DNAAF2: variants seen among roughly 807,000 people sequenced by gnomAD.
DNAAF2 encodes the protein protein kintoun.
A neutral mutation model predicts 48.8 loss-of-function variants in DNAAF2; 58 were observed. The observed-to-expected ratio is 1.19, with a 90% CI of 0.96 to 1.48. The LOEUF (loss-of-function observed/expected upper bound fraction) is 1.48. Ranked by LOEUF, DNAAF2 falls within the 40% of genes most tolerant of loss-of-function variation. The pLI, the probability that DNAAF2 is intolerant of heterozygous loss-of-function variation, is 0.00. For synonymous variants in DNAAF2, 567 were observed against 481.2 expected (o/e 1.18, Z -2.33); for missense variants, 1,241 against 1,116.1 (o/e 1.11, Z -1.59).
Position 49,634,159 on chromosome 14 carries a change from C to T in DNAAF2, c.991G>A (p.Gly331Ser). The stretch of plus-strand genomic sequence containing the variant: ...CGGGCCTTGTTGAATTGTGCCTTGC[C>T]GCGGCCATCGTCCACTGGGTACGGG... ...SLPYPVDDGR[G>S]KAQFNKARRQ... The change falls in exon 1 of 3, where the codon GGC becomes AGC. Residue 331 changes from glycine (G) to serine (S), a missense_variant. Physicochemically the swap from Gly to Ser is moderately conservative, Grantham distance 56. Transcript: ENST00000298292. 1 of 1,597,870 alleles carries T rather than the reference C, an allele frequency of 6.3e-7. No homozygotes were observed. Among genetic ancestry groups the T allele is most frequent in the Non-Finnish European group, 8.5e-7 (1 of 1,173,424 alleles).
Position 49,634,428 on chromosome 14 carries a change from G to C in DNAAF2, c.722C>G (p.Pro241Arg), listed in dbSNP as rs1409403452. The change falls in exon 1 of 3, where the codon CCT becomes CGT. Residue 241 changes from proline (P) to arginine (R), a missense_variant. By Grantham distance (103) the Pro-to-Arg change is moderately radical. Coordinates refer to ENST00000298292, the MANE Select transcript of DNAAF2 (RefSeq NM_018139.3). Reference sequence around the variant, plus strand: ...GGCGGGCTGCAAGGCCGCTTCCGGAGGGGAGGGCGCCCGGGGCCCGGGGGC... The same window carrying C: ...GGCGGGCTGCAAGGCCGCTTCCGGACGGGAGGGCGCCCGGGGCCCGGGGGC... The part of the protein sequence containing the change: ...PAAPGPRAPS[P>R]PEAALQPAPT... 2.6e-6 allele frequency: 4 copies of C among 1,566,230 alleles called. No individual in the cohort carries two copies. Among genetic ancestry groups the C allele is most frequent in the Non-Finnish European group, 3.5e-6 (4 of 1,158,032 alleles).
In DNAAF2 at chr14:49,625,311, C is replaced by T. The variant is rs925268737; in HGVS notation, c.*231G>A. ...AAATAGAAAACATACACATCTATTA[C>T]AGGAATCACAAAACTTATCTCCATA... On this transcript the variant is annotated 3_prime_UTR_variant, in exon 3 of 3. Transcript: ENST00000298292. The T allele has an allele frequency of 5.1e-5, 15 of 293,042 alleles. 1 individual carries two copies. In the South Asian group the frequency reaches 1.5e-3, roughly 29 times the overall value. 18.2% of individuals were successfully genotyped at this position (293,042 alleles called of 1,614,324 possible).
At chr14:49,628,328 A>G (rs1044683076) in intron 1 of DNAAF2, among the ~76,000 whole-genome samples, 173 bp from the exon 2 acceptor site, 18 of 152,236 alleles carry the variant, frequency 1.2e-4, no homozygotes, top group African/African-American at 2.9e-4. Context: ...GGTATTGTAC[A>G]GAGCAATAAG....
At position 49,634,922 on chromosome 14, in the gene DNAAF2, A is replaced by G. The variant is rs932908231; in HGVS notation, c.228T>C (p.His76=). The G allele has an allele frequency of 1.3e-6, 2 of 1,553,428 alleles. No homozygotes were observed. Among genetic ancestry groups the G allele is most frequent in the South Asian group, 1.2e-5 (1 of 84,422 alleles). The change falls in exon 1 of 3, where the codon CAT becomes CAC. Residue 76 remains histidine, a synonymous_variant. Transcript: ENST00000298292. ...EVRFVHPEPG[H]VLRTSLDGAR... ...CCCCGTCCAGGCTGGTGCGCAGCAC[A>G]TGGCCGGGCTCCGGGTGCACGAACC...
In DNAAF2 at chr14:49,634,758, T is replaced by G; in HGVS notation, c.392A>C (p.Tyr131Ser). The change falls in exon 1 of 3, where the codon TAC becomes TCC. Residue 131 changes from tyrosine (Y) to serine (S), a missense_variant. Coordinates refer to ENST00000298292, the MANE Select transcript of DNAAF2 (RefSeq NM_018139.3). The stretch of plus-strand genomic sequence containing the variant: ...GTAGCGGCTGCTGCTGCGCCCCGCG[T>G]ACTCGCGGCCGGGCGCCAGGCTGTA... ...LPYSLAPGRE[Y>S]AGRSSSRYMV... 2 of 1,598,892 alleles carry G rather than the reference T, an allele frequency of 1.3e-6. No individual in the cohort carries two copies.
At chr14:49,627,771 C>G (rs991480828) in intron 2 of DNAAF2, among the ~76,000 whole-genome samples, 1 of 151,536 alleles carries the variant, frequency 6.6e-6, no homozygotes, top group African/African-American at 2.4e-5. Context: ...AGGAGAATCG[C>G]TTGAACCCAG....
intron 1 of DNAAF2, among the ~76,000 whole-genome samples, chr14:49,628,367 T>C (rs1277729228): frequency 3.9e-5 from 6 of 152,200 alleles, no homozygotes; most frequent in Non-Finnish European, 8.8e-5. Context: ...CATAAACGTA[T>C]AGAAAAAGAA....
chr14:49,627,840 G>C (rs1883048963), intron 2 of DNAAF2, among the ~76,000 whole-genome samples, 172 bp downstream of exon 2: 2 of 151,118 alleles, frequency 1.3e-5, no homozygotes, highest in East Asian at 3.9e-4. Context: ...GGGTGACAGA[G>C]GGAGACTCCA....
chr14:49,626,255 A>G (rs1883003824), intron 2 of DNAAF2, among the ~76,000 whole-genome samples: 1 of 152,158 alleles, frequency 6.6e-6, no homozygotes, highest in Non-Finnish European at 1.5e-5. Flanking sequence ...TGGGATGCCA[A>G]GGCAGGCAGA....
chr14:49,634,042 C>A lies in DNAAF2; in HGVS notation c.1108G>T (p.Ala370Ser). The change falls in exon 1 of 3, where the codon GCG becomes TCG. Residue 370 changes from alanine (A) to serine (S), a missense_variant. By Grantham distance (99) the Ala-to-Ser change is moderately conservative. Transcript: ENST00000298292. Reference sequence around the variant, plus strand: ...TGGCCGTCAGTTCCGGACCGGTCCGCGGACTCTTCCGGCGCGGCGGCGGCG... The same window carrying A: ...TGGCCGTCAGTTCCGGACCGGTCCGAGGACTCTTCCGGCGCGGCGGCGGCG... ...AVAAAAPEESADRSGTDGQAC... is the reference protein window; with the variant it reads ...AVAAAAPEESSDRSGTDGQAC... 1.3e-6 allele frequency: 2 copies of A among 1,518,832 alleles called. No individual in the cohort carries two copies. The highest frequency in any genetic ancestry group is 1.2e-5 in the South Asian group (1 of 80,260). The allele number at this position is 1,518,832 out of a possible 1,614,324, so 94.1% of individuals were successfully genotyped here.
In DNAAF2 at chr14:49,629,500, G is replaced by A. The variant is rs577968546; in HGVS notation, c.1864-1345C>T. On this transcript the variant is annotated intron_variant, in intron 1 of 2. Transcript: ENST00000298292. Reference sequence around the variant, plus strand: ...GTGGCAGCTAACGCCTGTAATTCCAGCACTTTGGGAGGCCAAGGTGGGTGG... The same window carrying A: ...GTGGCAGCTAACGCCTGTAATTCCAACACTTTGGGAGGCCAAGGTGGGTGG... The A allele has an allele frequency of 4.6e-5, 7 of 152,052 alleles. No individual in the cohort carries two copies. In the South Asian group the frequency reaches 1.5e-3, roughly 32 times the overall value. The allele number at this position is 152,052 out of a possible 1,614,324, so 9.4% of individuals were successfully genotyped here.
At position 49,634,974 on chromosome 14, in the gene DNAAF2, A is replaced by G; in HGVS notation, c.176T>C (p.Leu59Pro). Residue 59 changes from leucine to proline, a missense_variant, in exon 1 of 3, where the codon CTA (leucine) becomes CCA (proline). Coordinates refer to ENST00000298292, the MANE Select transcript of DNAAF2 (RefSeq NM_018139.3). ...CACTTCCACCCCGCGCTCACGCTCTAGCGCGGTGATCTCCGCCTCGTAGCG... is the reference window on the plus strand; with the variant it reads ...CACTTCCACCCCGCGCTCACGCTCTGGCGCGGTGATCTCCGCCTCGTAGCG... ...RRRYEAEITA[L>P]ERERGVEVRF... is the part of the protein sequence containing the mutation. 6.4e-7 allele frequency: 1 copy of G among 1,562,116 alleles called. No individual in the cohort carries two copies. The highest frequency in any genetic ancestry group is 8.7e-7 in the Non-Finnish European group (1 of 1,153,310).
intron 2 of DNAAF2, among the ~76,000 whole-genome samples, chr14:49,626,428 G>T (rs932227000): frequency 1.3e-5 from 2 of 152,166 alleles, no homozygotes; most frequent in African/African-American, 4.8e-5. Context: ...GGTGGAGGTT[G>T]CACTGGGCCG....
chr14:49,626,414 G>A (rs976330068), intron 2 of DNAAF2, among the ~76,000 whole-genome samples: 7 of 152,118 alleles, frequency 4.6e-5, no homozygotes, highest in East Asian at 1.9e-4. Flanking sequence ...ACTTGAACCC[G>A]GGAGGTGGAG....
At position 49,633,785 on chromosome 14, in the gene DNAAF2, A is replaced by T; in HGVS notation, c.1365T>A (p.Ser455=). ...GSPPGSVEEP[S]PGGENSPGGG... The stretch of plus-strand genomic sequence containing the variant: ...CACCAGGTGAGTTTTCTCCTCCAGG[A>T]GATGGCTCCTCCACGCTGCCCGGCG... The change falls in exon 1 of 3, where the codon TCT becomes TCA. Residue 455 remains serine (S), a synonymous_variant. Coordinates refer to ENST00000298292, the MANE Select transcript of DNAAF2 (RefSeq NM_018139.3). 6.3e-7 allele frequency: 1 copy of T among 1,593,494 alleles called. No homozygotes were observed. Among genetic ancestry groups the T allele is most frequent in the South Asian group, 1.1e-5 (1 of 90,054 alleles).
chr14:49,633,778 C>T lies in DNAAF2; in HGVS notation c.1372G>A (p.Gly458Arg). 6.3e-7 allele frequency: 1 copy of T among 1,593,754 alleles called. No individual in the cohort carries two copies. Among genetic ancestry groups the T allele is most frequent in the Non-Finnish European group, 8.5e-7 (1 of 1,175,520 alleles). ...PGSVEEPSPG[G>R]ENSPGGGGSP... is the part of the protein sequence containing the mutation. ...CCTCCGCCACCAGGTGAGTTTTCTCCTCCAGGAGATGGCTCCTCCACGCTG... is the reference window on the plus strand; with the variant it reads ...CCTCCGCCACCAGGTGAGTTTTCTCTTCCAGGAGATGGCTCCTCCACGCTG... The change falls in exon 1 of 3, where the codon GGA becomes AGA. Residue 458 changes from glycine (G) to arginine (R), a missense_variant. Transcript: ENST00000298292.
chr14:49,631,392 G>A lies in DNAAF2; in HGVS notation c.1863+1895C>T, dbSNP rs183002847. 7.9e-3 allele frequency among the ~76,000 whole-genome samples: 1,199 copies of A among 152,278 alleles called. 18 individuals are homozygous for A. Among genetic ancestry groups the A allele is most frequent in the African/African-American group, 0.027 (1,135 of 41,558 alleles). ...TGTAATCCCAGCACTTTGGGAGGCC[G>A]AGGCGGGTGGATCACGAGGTCAGGA... On this transcript the variant is annotated intron_variant, in intron 1 of 2. Coordinates refer to ENST00000298292, the MANE Select transcript of DNAAF2 (RefSeq NM_018139.3).
In DNAAF2 at chr14:49,633,901, CG is replaced by C. The variant is rs1566512032; in HGVS notation, c.1248del (p.Asp417ThrfsTer24). 5.9e-6 allele frequency: 9 copies of C among 1,534,124 alleles called. No individual in the cohort carries two copies. The highest frequency in any genetic ancestry group is 7.9e-6 in the Non-Finnish European group (9 of 1,146,476). On this transcript the variant is annotated frameshift_variant, in exon 1 of 3. Coordinates refer to ENST00000298292, the MANE Select transcript of DNAAF2 (RefSeq NM_018139.3). LOFTEE classifies it high-confidence loss of function. ...GAAGSGVTTL[G>X]DPEVAPPPAA... ...GCCGGCGGAGGCGCCACCTCCGGGT[CG>C]CCCAGGGTGGTGACCCCGGAGCCCG...
intron 1 of DNAAF2, 85 bp from the exon 2 acceptor site, chr14:49,628,240 A>C: frequency 1.5e-4 from 171 of 1,139,978 alleles, no homozygotes; most frequent in Non-Finnish European, 1.9e-4. Context: ...AAAAATTCTC[A>C]CATTGTTCAG....
Sources: gnomAD v4.1 joint callset for allele counts (sites outside exome capture counted in the v4.1 genomes callset) on GRCh38, gnomAD v4.1.1 for gene constraint, MANE v1.5 for transcripts, NCBI Gene and HGNC (gene_info 2026-07-23, HGNC 2026-07-21) for gene names.